TNS1: variants seen among roughly 807,000 people sequenced by gnomAD.
The protein encoded by TNS1 is tensin 1.
In TNS1, 62 loss-of-function variants were observed where a neutral mutation model predicts 168.6. The ratio of observed to expected loss-of-function variants is 0.37; its 90% CI spans 0.30 to 0.45. The LOEUF (loss-of-function observed/expected upper bound fraction) is 0.45. Ranked by LOEUF, TNS1 falls within the 20% of genes least tolerant of loss-of-function variation. The pLI is 1.00. For synonymous variants in TNS1, 934 were observed against 933.2 expected (o/e 1.00, Z -0.02); for missense variants, 2,240 against 2,339.4 (o/e 0.96, Z 0.88).
intron 1 of TNS1, among the ~76,000 whole-genome samples, chr2:217,998,120 C>T (rs987104703): frequency 1.3e-5 from 2 of 152,224 alleles, no homozygotes; most frequent in African/African-American, 2.4e-5. Context: ...GGAAGGAGGG[C>T]AGACAGTGAC....
intron 18 of TNS1, chr2:217,850,320 G>T (rs1574805149): frequency 1.0e-6 from 1 of 985,180 alleles, no homozygotes. Context: ...GCTGATGCAG[G>T]GGGTTCAGGG....
exon 1 of TNS1, chr2:218,010,340 C>A (rs887885573): frequency 5.1e-6 from 2 of 395,416 alleles, no homozygotes; most frequent in African/African-American, 2.1e-5. Context: ...GGCTCAGCCC[C>A]GGAGGAGCAG....
chr2:217,941,758 C>T (rs1251847667), intron 3 of TNS1, among the ~76,000 whole-genome samples: 2 of 152,246 alleles, frequency 1.3e-5, no homozygotes, highest in Admixed American at 6.5e-5. Flanking sequence ...AAGATGCTCT[C>T]CACCTTACAA....
At chr2:217,895,776 C>T (rs559719114) in intron 8 of TNS1, among the ~76,000 whole-genome samples, 3 of 152,244 alleles carry the variant, frequency 2.0e-5, no homozygotes, top group Non-Finnish European at 4.4e-5. Context: ...CCTCTACCTC[C>T]GAGGGGGGCA....
intron 1 of TNS1, among the ~76,000 whole-genome samples, chr2:218,028,185 C>T (rs1958865261): frequency 6.6e-6 from 1 of 152,226 alleles, no homozygotes; most frequent in Non-Finnish European, 1.5e-5. Flanking sequence ...CCTGACCCTG[C>T]ACACATTCTT....
chr2:217,996,598 T>C (rs1483032370), intron 1 of TNS1, among the ~76,000 whole-genome samples: 2 of 151,674 alleles, frequency 1.3e-5, no homozygotes, highest in African/African-American at 4.9e-5. Context: ...TCCCTGCACC[T>C]CCCCCACCCC....
intron 3 of TNS1, among the ~76,000 whole-genome samples, chr2:217,977,947 C>T (rs555961161): frequency 3.2e-4 from 48 of 152,322 alleles, no homozygotes; most frequent in African/African-American, 1.2e-3. Flanking sequence ...CAAGGAACGC[C>T]ATTTCCACCC....
chr2:217,849,111 G>C (rs748707146), intron 18 of TNS1, 24 bp from the exon 19 acceptor site: 7 of 1,594,410 alleles, frequency 4.4e-6, no homozygotes, highest in Non-Finnish European at 6.0e-6. Context: ...AGCCGGAGGG[G>C]AGACAACAGA....
chr2:217,941,921 G>A (rs550419209), intron 3 of TNS1, among the ~76,000 whole-genome samples: 117 of 152,256 alleles, frequency 7.7e-4, no homozygotes, highest in African/African-American at 2.7e-3. Flanking sequence ...GTAGAAACAG[G>A]AGCCTGAGGG....
chr2:217,873,919 G>A (rs1574904681), intron 18 of TNS1, among the ~76,000 whole-genome samples: 1 of 152,056 alleles, frequency 6.6e-6, no homozygotes, highest in Admixed American at 6.5e-5. Flanking sequence ...GTTCTGGAAT[G>A]TTCCCCCTTT....
In TNS1 at chr2:217,848,345, G is replaced by C. The variant is rs1946975003; in HGVS notation, c.2172C>G (p.Ala724=). Residue 724 remains alanine, a synonymous_variant, in exon 19 of 33, where the codon GCC becomes GCG. Coordinates refer to ENST00000682258, the MANE Select transcript of TNS1 (RefSeq NM_001387777.1). ...AGYQREGPHP[A]WPQPVTTSHY... ...GGGAGGTGGTCACTGGCTGTGGCCA[G>C]GCTGGGTGGGGCCCCTCCCTCTGGT... The C allele has an allele frequency of 6.5e-7, 1 of 1,540,092 alleles. No homozygotes were observed. The highest frequency in any genetic ancestry group is 1.3e-5 in the South Asian group (1 of 79,044).
At chr2:218,014,155 C>G (rs1958736032), upstream of TNS1, among the ~76,000 whole-genome samples, 1 of 152,190 alleles carries the variant, frequency 6.6e-6, no homozygotes, top group East Asian at 1.9e-4. Flanking sequence ...AAAGGCAGCT[C>G]CTGTTAGGGA....
intron 18 of TNS1, chr2:217,850,633 G>T: frequency 1.1e-6 from 1 of 913,456 alleles, no homozygotes; most frequent in Non-Finnish European, 1.3e-6. Context: ...ACGCACGCAC[G>T]CACCTCCCCT....
chr2:217,984,439 G>A (rs1404028124), intron 2 of TNS1, among the ~76,000 whole-genome samples: 1 of 147,898 alleles, frequency 6.8e-6, no homozygotes, highest in African/African-American at 2.7e-5. Context: ...TGCAAGGCAG[G>A]GGGGCACATA....
intron 16 of TNS1, among the ~76,000 whole-genome samples, chr2:217,882,650 A>T (rs1574938029): frequency 6.6e-6 from 1 of 152,022 alleles, no homozygotes; most frequent in East Asian, 1.9e-4. Context: ...GATTCTAACT[A>T]TTTCTATTGC....
chr2:217,976,737 G>T (rs867535912), intron 3 of TNS1, among the ~76,000 whole-genome samples: 2 of 152,192 alleles, frequency 1.3e-5, no homozygotes, highest in Non-Finnish European at 2.9e-5. Context: ...ATATCTTTCT[G>T]GGCCTCTCTG....
intron 22 of TNS1, chr2:217,829,852 A>C (rs753038633): frequency 3.7e-6 from 6 of 1,614,178 alleles, no homozygotes. Context: ...ACCTTCTGAC[A>C]GCCTGACCAC....
rs568723374 is a variant in TNS1, at chr2:217,872,060, A to G, written c.1429+8838T>C. Among the ~76,000 whole-genome samples the G allele has an allele frequency of 7.2e-5, 11 of 152,394 alleles. No homozygotes were observed. The South Asian group carries it at 2.3e-3, about 32-fold the overall frequency. On this transcript the variant is annotated intron_variant, in intron 18 of 32. Transcript: ENST00000682258. The stretch of plus-strand genomic sequence containing the variant: ...CCATTTATCCAGAAGACTTCGTTGG[A>G]CGAAGTCCTTAACTTCTCTGTTACT...
chr2:217,878,394 C>T (rs1043062659), intron 18 of TNS1, among the ~76,000 whole-genome samples: 2 of 152,192 alleles, frequency 1.3e-5, no homozygotes, highest in African/African-American at 4.8e-5. Flanking sequence ...CAGGGGGCAA[C>T]GCGGTGGCTT....
Sources: gnomAD v4.1 joint callset for allele counts (sites outside exome capture counted in the v4.1 genomes callset) on GRCh38, gnomAD v4.1.1 for gene constraint, MANE v1.5 for transcripts, NCBI Gene and HGNC (gene_info 2026-07-23, HGNC 2026-07-21) for gene names.